HOXA3: variants seen among roughly 807,000 people sequenced by gnomAD.
HOXA3 encodes the protein homeobox protein Hox-A3.
HOXA3 carries 8 observed loss-of-function variants against 30.3 expected under a neutral mutation model. That is an observed-to-expected ratio of 0.26 (90% CI 0.15 to 0.48). HOXA3 has a LOEUF of 0.48. Among genes scored for constraint, HOXA3 ranks in the 20% least tolerant of loss-of-function variants. The pLI is 0.99. For synonymous variants in HOXA3, 323 were observed against 273.1 expected, an observed-to-expected ratio of 1.18 and a Z score of -1.80; for missense variants, 653 against 614.4, an observed-to-expected ratio of 1.06 and a Z score of -0.66.
Position 27,108,010 on chromosome 7 carries a change from C to T in HOXA3, c.1237G>A (p.Gly413Arg). 1.2e-6 allele frequency: 2 copies of T among 1,612,602 alleles called. No individual in the cohort carries two copies. Among genetic ancestry groups the T allele is most frequent in the Non-Finnish European group, 1.7e-6 (2 of 1,179,092 alleles). ...TAGGTGGGGTGCGGCTCCCCAGGCC[C>T]CGGCCCGTGGTGGTGGCCGCTGCCC... ...PLGSGHHHGP[G>R]PGEPHPTYTD... The change falls in exon 6 of 6, where the codon GGG (glycine) becomes AGG (arginine). Residue 413 changes from glycine to arginine, a missense_variant. Gly to Arg is a moderately radical substitution (Grantham distance 125). Around this residue, in one of 3 missense-constraint regions of HOXA3, gnomAD observed 330 missense variants for 274.4 expected, o/e 1.20. Coordinates refer to ENST00000612286, the MANE Select transcript of HOXA3 (RefSeq NM_153631.3). This position sits in a 1 kb window ranked among gnomAD's most constrained non-coding sequence, Gnocchi z 5.0.
chr7:27,116,893 C>T (rs559176654), intron 4 of HOXA3, among the ~76,000 whole-genome samples: 28 of 152,276 alleles, frequency 1.8e-4, no homozygotes, highest in African/African-American at 6.7e-4. Flanking sequence ...GGCAGAAGGG[C>T]CCTTTCGTTC....
chr7:27,149,079 G>A (rs1297672309), intron 1 of HOXA3, among the ~76,000 whole-genome samples: 2 of 152,220 alleles, frequency 1.3e-5, no homozygotes, highest in African/African-American at 4.8e-5. Flanking sequence ...GCTGTCCCAG[G>A]CCTGGCGGTC....
At position 27,110,469 on chromosome 7, in the gene HOXA3, C is replaced by T. The variant is rs78276647; in HGVS notation, c.172G>A (p.Ala58Thr). The change falls in exon 5 of 6, where the codon GCC (alanine) becomes ACC (threonine). Residue 58 changes from alanine to threonine, a missense_variant. Around this residue, in one of 3 missense-constraint regions of HOXA3, gnomAD observed 320 missense variants for 321.9 expected, o/e 0.99. Transcript: ENST00000612286. ...TCGTGTGCCTTGGGGTGGCCCCCGG[C>T]GCTGGAGGGAGACTGGAGGGAGCAG... The part of the protein sequence containing the change: ...PACSLQSPSS[A>T]GGHPKAHELS... 1.3e-6 allele frequency: 2 copies of T among 1,597,028 alleles called. No homozygotes were observed. Among genetic ancestry groups the T allele is most frequent in the Non-Finnish European group, 1.7e-6 (2 of 1,169,744 alleles).
At position 27,152,460 on chromosome 7, in the gene HOXA3, G is replaced by C. The variant is rs1441499186; in HGVS notation, c.-666C>G. The C allele has an allele frequency of 4.4e-6, 5 of 1,130,172 alleles. No homozygotes were observed. The highest frequency in any genetic ancestry group is 5.5e-6 in the Non-Finnish European group (5 of 908,206). 70.0% of individuals were successfully genotyped at this position (1,130,172 alleles called of 1,614,324 possible). A position where few individuals can be genotyped will look rare whatever the true frequency, so the allele number is the denominator to read the frequency against. On this transcript the variant is annotated 5_prime_UTR_variant, in exon 1 of 6. Transcript: ENST00000612286. Reference sequence around the variant, plus strand: ...AACGGAGCGCGCCCAATCTCCAGCGGGAGCCGCCAGGCCTGGCCTGGCCGG... The same window carrying C: ...AACGGAGCGCGCCCAATCTCCAGCGCGAGCCGCCAGGCCTGGCCTGGCCGG...
chr7:27,152,569 G>A lies in HOXA3; in HGVS notation c.-775C>T, dbSNP rs1783014097. ...AGCTCCGAAGCAGGCAGGACGGAGC[G>A]GAGCAAAAGAATGCGGCTCTATTCT... On this transcript the variant is annotated 5_prime_UTR_variant, in exon 1 of 6. Transcript: ENST00000612286. 8.4e-7 allele frequency: 1 copy of A among 1,190,196 alleles called. No individual in the cohort carries two copies. The highest frequency in any genetic ancestry group is 1.1e-6 in the Non-Finnish European group (1 of 943,256). 73.7% of individuals were successfully genotyped at this position (1,190,196 alleles called of 1,614,324 possible).
intron 2 of HOXA3, chr7:27,130,212 C>T: frequency 6.5e-7 from 1 of 1,528,034 alleles, no homozygotes; most frequent in Non-Finnish European, 8.8e-7. Flanking sequence ...GCAGCGGGCA[C>T]GCGGGGGCGC....
rs757931038 is a variant in HOXA3, at chr7:27,110,198, G to A, written c.443C>T (p.Ser148Leu). The A allele has an allele frequency of 1.2e-6, 2 of 1,614,174 alleles. No individual in the cohort carries two copies. The highest frequency in any genetic ancestry group is 1.1e-5 in the South Asian group (1 of 91,080). The change falls in exon 5 of 6, where the codon TCA becomes TTA. Residue 148 changes from serine to leucine, a missense_variant. Around this residue, in one of 3 missense-constraint regions of HOXA3, gnomAD observed 320 missense variants for 321.9 expected, o/e 0.99. Transcript: ENST00000612286. ...ANAAKSPLLN[S>L]PTVAKQIFPW... Reference sequence around the variant, plus strand: ...GAAGATTTGTTTGGCCACTGTGGGTGAGTTGAGCAGGGGGCTCTTGGCCGC... The same window carrying A: ...GAAGATTTGTTTGGCCACTGTGGGTAAGTTGAGCAGGGGGCTCTTGGCCGC...
At chr7:27,115,369 G>A (rs1784659689) in intron 4 of HOXA3, 1 of 152,206 alleles carries the variant, frequency 6.6e-6, no homozygotes, top group Non-Finnish European at 1.5e-5. Flanking sequence ...CAACTTGAAA[G>A]GGGGAGCTGG....
intron 4 of HOXA3, among the ~76,000 whole-genome samples, chr7:27,114,994 T>C (rs1352433363): frequency 6.8e-6 from 1 of 147,988 alleles, no homozygotes; most frequent in East Asian, 2.0e-4. Context: ...ATTTTCCTCC[T>C]AAAGCCTCCT....
intron 1 of HOXA3, chr7:27,147,700 C>G: frequency 6.2e-7 from 1 of 1,613,084 alleles, no homozygotes; most frequent in South Asian, 1.1e-5. Context: ...GGAGTCCTGG[C>G]CGCTGGGAAG....
intron 4 of HOXA3, among the ~76,000 whole-genome samples, chr7:27,114,837 A>ATATATATTATATATATTATATAT (rs1240891291): frequency 8.3e-5 from 6 of 72,328 alleles, no homozygotes; most frequent in South Asian, 4.9e-4. Flanking sequence ...AATATATATT[A>ATATATATTATATATATTATATAT]TATATATAAT....
chr7:27,143,417 A>G, intron 1 of HOXA3: 1 of 1,612,036 alleles, frequency 6.2e-7, no homozygotes, highest in Non-Finnish European at 8.5e-7. Flanking sequence ...TCCGGAGCCA[A>G]AGTGGCCGGA....
At chr7:27,145,632 C>A (rs775937133) in intron 1 of HOXA3, 1 of 1,604,002 alleles carries the variant, frequency 6.2e-7, no homozygotes, top group Admixed American at 1.7e-5. Context: ...GAGGTTGCAG[C>A]GCTGGCCTGG....
chr7:27,139,360 TG>T (rs1785822135), intron 2 of HOXA3, among the ~76,000 whole-genome samples: 1 of 152,110 alleles, frequency 6.6e-6, no homozygotes, highest in Non-Finnish European at 1.5e-5. Flanking sequence ...TGGGGATCCT[TG>T]GTCCTCAGGG....
intron 1 of HOXA3, chr7:27,146,015 AC>A: frequency 7.4e-7 from 1 of 1,348,020 alleles, no homozygotes; most frequent in Non-Finnish European, 9.9e-7. Flanking sequence ...ACTAGAAACC[AC>A]CCCGCCTCCA....
intron 2 of HOXA3, chr7:27,130,277 C>A (rs1333287423): frequency 8.0e-6 from 9 of 1,127,008 alleles, no homozygotes; most frequent in African/African-American, 1.7e-5. Flanking sequence ...CGCCGCGGGG[C>A]CGCTGGGGGC....
intron 2 of HOXA3, among the ~76,000 whole-genome samples, chr7:27,138,170 ATCT>A (rs1383899755): frequency 6.6e-6 from 1 of 152,242 alleles, no homozygotes; most frequent in Non-Finnish European, 1.5e-5. Flanking sequence ...ATGTGGACAC[ATCT>A]TCTTGAATGC....
intron 1 of HOXA3, chr7:27,151,450 G>T (rs17500911): frequency 0.033 from 12,269 of 370,166 alleles, 862 homozygotes; most frequent in African/African-American, 0.19. Flanking sequence ...CCCAGACTCG[G>T]TTTGCGTCCT....
chr7:27,108,295 T>TGGGCAGGG lies in HOXA3; in HGVS notation c.944_951dup (p.Ser318ProfsTer61). 7 of 1,510,256 alleles carry TGGGCAGGG rather than the reference T, an allele frequency of 4.6e-6. No individual in the cohort carries two copies. The highest frequency in any genetic ancestry group is 6.2e-6 in the Non-Finnish European group (7 of 1,130,644). The allele number at this position is 1,510,256 out of a possible 1,614,324, so 93.6% of individuals were successfully genotyped here. On this transcript the variant is annotated frameshift_variant, in exon 6 of 6. Transcript: ENST00000612286. LOFTEE classifies it high-confidence loss of function. The surrounding 1 kb of genome is among the most constrained non-coding windows in gnomAD (Gnocchi z 5.0). ...TGTGGGGGTGGCGGGGGTGCGCAGCTGGGCAGGGACGCAGGGTAGGAGGCG... is the reference window on the plus strand; with the variant it reads ...TGTGGGGGTGGCGGGGGTGCGCAGCTGGGCAGGGGGGCAGGGACGCAGGGTAGGAGGCG...
Sources: gnomAD v4.1 joint callset for allele counts (sites outside exome capture counted in the v4.1 genomes callset) on GRCh38, gnomAD v4.1.1 for gene constraint, gnomAD v4.1.1 regional missense constraint, Gnocchi (gnomAD v3.1) non-coding constraint, MANE v1.5 for transcripts, NCBI Gene and HGNC (gene_info 2026-07-23, HGNC 2026-07-21) for gene names.